Variants in GLIS3 observed in about 807,000 individuals in gnomAD.
GLIS3 encodes zinc finger protein GLIS3.
Under a neutral mutation model 78.6 loss-of-function variants are expected in GLIS3, and 53 were observed. That is an observed-to-expected ratio of 0.67 (90% CI 0.54 to 0.85). The LOEUF is 0.85. Among genes scored for constraint, GLIS3 ranks in the 40% least tolerant of loss-of-function variants. The probability of loss-of-function intolerance (pLI) is 0.00; values close to 1 mark genes in which losing one functional copy is unlikely to be tolerated. For synonymous variants in GLIS3, 684 were observed against 509.9 expected (o/e 1.34, Z -4.60); for missense variants, 1,703 against 1,231.1 (o/e 1.38, Z -5.74).
At chr9:4,186,809 G>A (rs1381719466) in intron 2 of GLIS3, among the ~76,000 whole-genome samples, 1 of 152,142 alleles carries the variant, frequency 6.6e-6, no homozygotes, top group Middle Eastern at 3.2e-3. Context: ...TTTGAGAAGT[G>A]TCTGTTCATA....
the GLIS3 span, among the ~76,000 whole-genome samples, chr9:4,369,021 C>A: frequency 6.6e-6 from 1 of 152,100 alleles, no homozygotes; most frequent in Non-Finnish European, 1.5e-5. Context: ...AAATTTTCTC[C>A]ATTTCTCTAT....
chr9:4,047,469 A>T (rs1348117004), intron 4 of GLIS3, among the ~76,000 whole-genome samples: 2 of 152,130 alleles, frequency 1.3e-5, no homozygotes, highest in Non-Finnish European at 2.9e-5. Flanking sequence ...TGTTCATTTC[A>T]CTAATTTCAA....
At chr9:3,909,752 C>T (rs904417967) in intron 6 of GLIS3, among the ~76,000 whole-genome samples, 8 of 152,052 alleles carry the variant, frequency 5.3e-5, no homozygotes, top group Non-Finnish European at 1.2e-4. Context: ...CATAGAATTT[C>T]AGAGCAAAAA....
chr9:4,188,554 T>C (rs1257993523), intron 2 of GLIS3, among the ~76,000 whole-genome samples: 2 of 151,982 alleles, frequency 1.3e-5, no homozygotes, highest in East Asian at 1.9e-4. Context: ...TTGATTGGAA[T>C]AGTTTCAGAA....
chr9:3,913,560 C>G (rs1166806180), intron 6 of GLIS3, among the ~76,000 whole-genome samples: 3 of 152,184 alleles, frequency 2.0e-5, no homozygotes, highest in African/African-American at 7.2e-5. Flanking sequence ...ACAAACCTCC[C>G]TCATCTGGAG....
chr9:3,905,140 A>AT (rs369063136), intron 6 of GLIS3, among the ~76,000 whole-genome samples: 1,674 of 109,068 alleles, frequency 0.015, 92 homozygotes, highest in African/African-American at 0.027. Flanking sequence ...GCCCGGTTAA[A>AT]TTTTTTTCTT....
At chr9:4,486,243 G>C in the GLIS3 span, among the ~76,000 whole-genome samples, 1 of 152,052 alleles carries the variant, frequency 6.6e-6, no homozygotes, top group African/African-American at 2.4e-5. Flanking sequence ...AGGTCTCTCT[G>C]ACTTCCCCTG....
intron 4 of GLIS3, among the ~76,000 whole-genome samples, chr9:4,015,762 G>T (rs767270610): frequency 6.6e-6 from 1 of 151,736 alleles, no homozygotes; most frequent in Non-Finnish European, 1.5e-5. Context: ...GGTGGCGGGC[G>T]CCTGTAATCC....
At chr9:4,225,741 G>C (rs969213974) in intron 2 of GLIS3, among the ~76,000 whole-genome samples, 2 of 152,194 alleles carry the variant, frequency 1.3e-5, no homozygotes, top group African/African-American at 2.4e-5. Context: ...TAATGTATGA[G>C]AGGGTGAAAT....
At chr9:4,114,494 A>G (rs619047) in intron 4 of GLIS3, among the ~76,000 whole-genome samples, 116,681 of 152,096 alleles carry the variant, frequency 0.77, 44,863 homozygotes, top group East Asian at 0.85. Flanking sequence ...AATAGAATTC[A>G]ACAGTTATAG....
chr9:4,447,272 T>C, the GLIS3 span, among the ~76,000 whole-genome samples: 1 of 152,214 alleles, frequency 6.6e-6, no homozygotes, highest in East Asian at 1.9e-4. Flanking sequence ...GGTCTCAAAC[T>C]CCTGGCTTAA....
At chr9:4,326,724 A>G (rs892345362) in intron 2 of GLIS3, among the ~76,000 whole-genome samples, 5 of 152,232 alleles carry the variant, frequency 3.3e-5, no homozygotes, top group African/African-American at 1.2e-4. Flanking sequence ...CACAATAAAA[A>G]TGGAACCTAC....
At chr9:4,029,760 T>C (rs932696217) in intron 4 of GLIS3, among the ~76,000 whole-genome samples, 3 of 152,218 alleles carry the variant, frequency 2.0e-5, no homozygotes, top group African/African-American at 7.2e-5. Flanking sequence ...TCCAGTTCCA[T>C]CTATGTTGAT....
chr9:4,043,456 G>A (rs1207983960), intron 4 of GLIS3, among the ~76,000 whole-genome samples: 1 of 152,088 alleles, frequency 6.6e-6, no homozygotes, highest in Non-Finnish European at 1.5e-5. Context: ...ATCAGGTACG[G>A]CTGGTTTGGG....
chr9:4,481,296 C>T, the GLIS3 span, among the ~76,000 whole-genome samples: 25 of 152,172 alleles, frequency 1.6e-4, no homozygotes, highest in African/African-American at 5.5e-4. Context: ...CCAGCCTGGC[C>T]AACATGGTGA....
At chr9:4,467,544 C>T in the GLIS3 span, among the ~76,000 whole-genome samples, 1 of 152,198 alleles carries the variant, frequency 6.6e-6, no homozygotes, top group African/African-American at 2.4e-5. Flanking sequence ...CTCCAGCAAA[C>T]TCCAAAGGAT....
chr9:4,157,722 G>A (rs888301214), intron 2 of GLIS3, among the ~76,000 whole-genome samples: 1 of 152,038 alleles, frequency 6.6e-6, no homozygotes, highest in East Asian at 1.9e-4. Context: ...GAGGATTTAC[G>A]AGTGCTTCCA....
the GLIS3 span, among the ~76,000 whole-genome samples, chr9:4,456,263 G>A: frequency 1.3e-5 from 2 of 152,176 alleles, no homozygotes; most frequent in Non-Finnish European, 2.9e-5. Context: ...ATTTTTGGTG[G>A]TAGTGTCTTG....
At chr9:4,202,014 C>A (rs1248943925) in intron 2 of GLIS3, among the ~76,000 whole-genome samples, 1 of 152,068 alleles carries the variant, frequency 6.6e-6, no homozygotes, top group Admixed American at 6.5e-5. Flanking sequence ...TGGCACGCAC[C>A]TGTAATCCCA....
Sources: allele counts gnomAD v4.1 joint callset (sites outside exome capture counted in the v4.1 genomes callset), GRCh38; gene constraint gnomAD v4.1.1; transcripts MANE v1.5; gene names NCBI Gene and HGNC (gene_info 2026-07-23, HGNC 2026-07-21).